KDM2B: variants seen among roughly 807,000 people sequenced by gnomAD.
The protein encoded by KDM2B is lysine-specific demethylase 2B.
KDM2B carries 26 observed loss-of-function variants against 150.0 expected under a neutral mutation model. The ratio of observed to expected loss-of-function variants is 0.17; its 90% CI spans 0.13 to 0.24. The LOEUF (loss-of-function observed/expected upper bound fraction) is 0.24. KDM2B is among the 10% of genes least tolerant of loss of function. KDM2B has a pLI of 1.00. For synonymous variants in KDM2B, 734 were observed against 729.5 expected (o/e 1.01, Z -0.10); for missense variants, 1,265 against 1,816.9 (o/e 0.70, Z 5.52).
At chr12:121,538,019 G>C (rs1186929040) in intron 6 of KDM2B, among the ~76,000 whole-genome samples, 52 of 149,106 alleles carry the variant, frequency 3.5e-4, no homozygotes, top group Non-Finnish European at 6.3e-4. Context: ...GCGGCAACGC[G>C]AGCCGAGCCC....
intron 11 of KDM2B, among the ~76,000 whole-genome samples, chr12:121,502,251 T>C (rs1884635154): frequency 6.6e-6 from 1 of 152,182 alleles, no homozygotes. Flanking sequence ...AAGTACTCCA[T>C]TTTACTGCAT....
At chr12:121,418,215 A>G in the KDM2B span, 1 of 332,108 alleles carries the variant, frequency 3.0e-6, no homozygotes, top group Non-Finnish European at 5.6e-6. Context: ...GCTGTGAAAA[A>G]GTAGCACATA....
In KDM2B at chr12:121,494,387, C is replaced by T. The variant is rs1883683881; in HGVS notation, c.1734+192G>A. 10 of 539,102 alleles carry T rather than the reference C, an allele frequency of 1.9e-5. No individual in the cohort carries two copies. The Admixed American group carries it at 3.4e-4, about 19-fold the overall frequency. The allele number at this position is 539,102 out of a possible 1,614,324, so 33.4% of individuals were successfully genotyped here. A position where few individuals can be genotyped will look rare whatever the true frequency, so the allele number is the denominator to read the frequency against. Reference sequence around the variant, plus strand: ...CCACCAGGCGGCACTGTTCGCAGTTCCCACAGCTAGGTAAAGCAACCCCCT... The same window carrying T: ...CCACCAGGCGGCACTGTTCGCAGTTTCCACAGCTAGGTAAAGCAACCCCCT... On this transcript the variant is annotated intron_variant, in intron 12 of 22. Transcript: ENST00000377071.
At chr12:121,510,466 G>A (rs1418581132) in intron 10 of KDM2B, among the ~76,000 whole-genome samples, 1 of 152,002 alleles carries the variant, frequency 6.6e-6, no homozygotes, top group African/African-American at 2.4e-5. Flanking sequence ...TATTGCCCAG[G>A]CTGGTATCTG....
chr12:121,441,349 C>T (rs1294373154), intron 19 of KDM2B, 116 bp from the exon 20 acceptor site: 1 of 952,726 alleles, frequency 1.0e-6, no homozygotes, highest in Non-Finnish European at 1.6e-6. Flanking sequence ...TAACTCAGCG[C>T]TCTGGACCCT....
At chr12:121,416,348 G>A in the KDM2B span, 3 of 1,613,534 alleles carry the variant, frequency 1.9e-6, no homozygotes, top group Non-Finnish European at 2.5e-6. Context: ...TAAAGCCTGT[G>A]GGCTTTCATT....
intron 6 of KDM2B, among the ~76,000 whole-genome samples, chr12:121,542,571 G>C (rs965195745): frequency 2.6e-5 from 4 of 152,228 alleles, no homozygotes; most frequent in African/African-American, 9.7e-5. Context: ...TTTTTCTTAA[G>C]CTCTGAAGTT....
chr12:121,431,111 C>T (rs557868404), intron 22 of KDM2B, among the ~76,000 whole-genome samples: 2 of 151,166 alleles, frequency 1.3e-5, no homozygotes, highest in East Asian at 3.9e-4. Flanking sequence ...TTCATCACAC[C>T]CTCATCTGCA....
intron 4 of KDM2B, among the ~76,000 whole-genome samples, chr12:121,554,085 A>AC (rs1594114542): frequency 8.9e-5 from 13 of 145,312 alleles, no homozygotes; most frequent in Admixed American, 2.0e-4. Context: ...ACACACACAC[A>AC]AATTGGCCAA....
At chr12:121,525,170 A>G (rs1351867119) in intron 8 of KDM2B, among the ~76,000 whole-genome samples, 1 of 151,884 alleles carries the variant, frequency 6.6e-6, no homozygotes, top group African/African-American at 2.4e-5. Flanking sequence ...AAGTAAGGAT[A>G]CTCTCCCTTC....
At chr12:121,551,615 C>A (rs1391417980) in intron 4 of KDM2B, among the ~76,000 whole-genome samples, 2 of 152,178 alleles carry the variant, frequency 1.3e-5, no homozygotes, top group African/African-American at 2.4e-5. Context: ...TATAGTGGCA[C>A]AATCTCAGCT....
At chr12:121,431,137 CT>C (rs34210302) in intron 22 of KDM2B, among the ~76,000 whole-genome samples, 51,208 of 147,434 alleles carry the variant, frequency 0.35, 9,368 homozygotes, top group East Asian at 0.44. Context: ...ACCCTTTGTG[CT>C]TTTTTTTTTT....
chr12:121,561,706 A>G (rs1252289094), intron 4 of KDM2B, among the ~76,000 whole-genome samples: 1 of 152,104 alleles, frequency 6.6e-6, no homozygotes, highest in Non-Finnish European at 1.5e-5. Flanking sequence ...TGTTCTCCCA[A>G]TCACTGAAAG....
At chr12:121,418,609 C>T in the KDM2B span, 1 of 152,262 alleles carries the variant, frequency 6.6e-6, no homozygotes, top group South Asian at 2.1e-4. Context: ...CAGTCTGATA[C>T]TTGGCAGGCT....
intron 9 of KDM2B, among the ~76,000 whole-genome samples, chr12:121,515,684 G>T (rs1043671980): frequency 1.3e-5 from 2 of 151,768 alleles, no homozygotes; most frequent in Non-Finnish European, 2.9e-5. Context: ...TCTGGAAAAG[G>T]CCCAAACCCA....
intron 4 of KDM2B, among the ~76,000 whole-genome samples, chr12:121,564,792 G>A (rs556444523): frequency 2.1e-3 from 312 of 151,910 alleles, no homozygotes; most frequent in Non-Finnish European, 3.1e-3. Context: ...GAAACACAAA[G>A]GGTCACAAGA....
Position 121,473,799 on chromosome 12 carries a change from T to A in KDM2B, c.1735-20455A>T, listed in dbSNP as rs10849891. On this transcript the variant is annotated intron_variant, in intron 12 of 22. Coordinates refer to ENST00000377071, the MANE Select transcript of KDM2B (RefSeq NM_032590.5). ...ATTATCATCACTGTTCATAGCAGTT[T>A]TATTCACAATAGCCACAGGTAGAAA... Among the ~76,000 whole-genome samples the A allele has an allele frequency of 7.9e-5, 12 of 151,500 alleles. No homozygotes were observed. The Admixed American group carries it at 7.9e-4, about 10-fold the overall frequency.
chr12:121,580,571 G>A (rs1891897864), intron 1 of KDM2B: 1 of 830,874 alleles, frequency 1.2e-6, no homozygotes, highest in Non-Finnish European at 1.7e-6. Context: ...AGATGGCGGG[G>A]CAGGGAGGGA....
Position 121,513,245 on chromosome 12 carries a change from C to A in KDM2B, c.1174+31G>T. On this transcript the variant is annotated intron_variant, in intron 10 of 22. Coordinates refer to ENST00000377071, the MANE Select transcript of KDM2B (RefSeq NM_032590.5). The surrounding 1 kb of genome is among the most constrained non-coding windows in gnomAD (Gnocchi z 5.0). ...ATGATTTCTGCCCCAGCTGTGCAGC[C>A]GAGGCCGTGGGCTCCCTCCGGTTCA... 1 of 1,607,312 alleles carries A rather than the reference C, an allele frequency of 6.2e-7. No individual in the cohort carries two copies.
Sources: gnomAD v4.1 joint callset for allele counts (sites outside exome capture counted in the v4.1 genomes callset) on GRCh38, gnomAD v4.1.1 for gene constraint, Gnocchi (gnomAD v3.1) non-coding constraint, MANE v1.5 for transcripts, NCBI Gene and HGNC (gene_info 2026-07-23, HGNC 2026-07-21) for gene names.